Variants in KCNB2 observed in about 807,000 individuals in gnomAD.
KCNB2 encodes the protein potassium voltage-gated channel subfamily B member 2.
In KCNB2, 15 loss-of-function variants were observed where a neutral mutation model predicts 61.5. The observed-to-expected ratio is 0.24, with a 90% CI of 0.16 to 0.38. KCNB2 has a LOEUF of 0.38. Among genes scored for constraint, KCNB2 ranks in the 10% least tolerant of loss-of-function variants. The pLI, the probability that KCNB2 is intolerant of heterozygous loss-of-function variation, is 1.00. For missense variants in KCNB2, 828 were observed against 1,125.2 expected, an observed-to-expected ratio of 0.74 and a Z score of 3.78; for synonymous variants, 457 against 446.0, an observed-to-expected ratio of 1.02 and a Z score of -0.31.
chr8:72,931,674 C>A (rs544553857), intron 2 of KCNB2, among the ~76,000 whole-genome samples: 11 of 152,216 alleles, frequency 7.2e-5, no homozygotes, highest in African/African-American at 2.6e-4. Context: ...ATAGTTCACT[C>A]CTGCCAGCTC....
intron 2 of KCNB2, among the ~76,000 whole-genome samples, chr8:72,645,400 T>C (rs1010637078): frequency 2.0e-5 from 3 of 152,150 alleles, no homozygotes; most frequent in African/African-American, 4.8e-5. Flanking sequence ...AGTAGTGCAT[T>C]TTATGCTCGC....
chr8:72,681,425 T>C (rs1806751738), intron 2 of KCNB2, among the ~76,000 whole-genome samples: 1 of 152,094 alleles, frequency 6.6e-6, no homozygotes, highest in Non-Finnish European at 1.5e-5. Flanking sequence ...AGCACCAGGA[T>C]CATCAATGTC....
intron 2 of KCNB2, among the ~76,000 whole-genome samples, chr8:72,666,982 T>G (rs1204422220): frequency 8.1e-6 from 1 of 123,630 alleles, no homozygotes; most frequent in African/African-American, 4.5e-5. Flanking sequence ...TTTTTCCACA[T>G]AAGTGTGTGT....
In KCNB2 at chr8:72,788,439, C is replaced by T. The variant is rs146630512; in HGVS notation, c.580-147496C>T. ...CTTCTTACAAGAGCAGCAGTCCTAT[C>T]GGATTAGGGCCCAGCTTCATGACTC... On this transcript the variant is annotated intron_variant, in intron 2 of 2. Transcript: ENST00000523207. Among the ~76,000 whole-genome samples the T allele has an allele frequency of 6.2e-3, 942 of 152,180 alleles. 6 individuals are homozygous for T. Among genetic ancestry groups the T allele is most frequent in the Non-Finnish European group, 9.2e-3 (625 of 68,006 alleles).
intron 2 of KCNB2, among the ~76,000 whole-genome samples, chr8:72,803,860 G>A (rs1809168083): frequency 6.6e-6 from 1 of 152,202 alleles, no homozygotes; most frequent in Non-Finnish European, 1.5e-5. Flanking sequence ...AAAGCAGGAA[G>A]GAAGAGGTGA....
chr8:72,932,852 A>G (rs1411302637), intron 2 of KCNB2, among the ~76,000 whole-genome samples: 1 of 152,052 alleles, frequency 6.6e-6, no homozygotes, highest in East Asian at 1.9e-4. Flanking sequence ...GTTAAAAAAA[A>G]CTCTACAATA....
intron 2 of KCNB2, among the ~76,000 whole-genome samples, chr8:72,864,059 G>A (rs542544942): frequency 6.6e-6 from 1 of 152,302 alleles, no homozygotes. Context: ...CCACGTGACA[G>A]AGGAGGGAAA....
chr8:72,703,567 C>A (rs1163127291), intron 2 of KCNB2, among the ~76,000 whole-genome samples: 1 of 152,180 alleles, frequency 6.6e-6, no homozygotes, highest in African/African-American at 2.4e-5. Context: ...CTCTCTTCAG[C>A]CTCAGACAGT....
intron 2 of KCNB2, among the ~76,000 whole-genome samples, chr8:72,628,400 G>GTGTGTGTGTGTGT (rs869118528): frequency 8.5e-5 from 4 of 47,336 alleles, no homozygotes; most frequent in African/African-American, 2.5e-4. Flanking sequence ...CCTGTTAGGG[G>GTGTGTGTGTGTGT]GTGTGTGTGT....
rs16938242 is a variant in KCNB2, at chr8:72,584,599, A to G, written c.579+16286A>G. 6.7e-3 allele frequency among the ~76,000 whole-genome samples: 1,016 copies of G among 152,326 alleles called. 21 individuals are homozygous for G. Among genetic ancestry groups the G allele is most frequent in the African/African-American group, 0.023 (966 of 41,570 alleles). On this transcript the variant is annotated intron_variant, in intron 2 of 2. Coordinates refer to ENST00000523207, the MANE Select transcript of KCNB2 (RefSeq NM_004770.3). ...TTTAGACCAAGATTCACCCAATGAT[A>G]ACATAAACCACTCTCACCTGCCCAC...
chr8:72,802,549 TC>T (rs1405785471), intron 2 of KCNB2, among the ~76,000 whole-genome samples: 2 of 152,182 alleles, frequency 1.3e-5, no homozygotes, highest in African/African-American at 4.8e-5. Flanking sequence ...TTTTTTTGGG[TC>T]ATTTATGTGT....
At chr8:72,707,422 T>C (rs1446942562) in intron 2 of KCNB2, among the ~76,000 whole-genome samples, 2 of 152,214 alleles carry the variant, frequency 1.3e-5, no homozygotes, top group Admixed American at 6.5e-5. Context: ...TGATCATTGA[T>C]CTGCAAGCAT....
chr8:72,840,718 G>A (rs558233469), intron 2 of KCNB2, among the ~76,000 whole-genome samples: 16 of 152,254 alleles, frequency 1.1e-4, no homozygotes, highest in South Asian at 4.1e-4. Context: ...TTTGAGAAGT[G>A]TCTGTTCATA....
At chr8:72,685,564 A>G (rs1338355560) in intron 2 of KCNB2, among the ~76,000 whole-genome samples, 2 of 152,194 alleles carry the variant, frequency 1.3e-5, no homozygotes, top group African/African-American at 4.8e-5. Context: ...GGGAACGAGT[A>G]ACAAGCCTAC....
chr8:72,689,514 T>C (rs1488205265), intron 2 of KCNB2, among the ~76,000 whole-genome samples: 1 of 152,228 alleles, frequency 6.6e-6, no homozygotes, highest in Non-Finnish European at 1.5e-5. Flanking sequence ...GACATTTTCA[T>C]CACCCAAAAA....
intron 2 of KCNB2, among the ~76,000 whole-genome samples, chr8:72,802,309 G>C (rs774218717): frequency 3.9e-5 from 6 of 152,174 alleles, no homozygotes; most frequent in Admixed American, 6.5e-5. Flanking sequence ...GGTAACAATA[G>C]TTACCATCCA....
intron 2 of KCNB2, among the ~76,000 whole-genome samples, chr8:72,650,374 C>G (rs1806194517): frequency 6.6e-6 from 1 of 152,112 alleles, no homozygotes; most frequent in Non-Finnish European, 1.5e-5. Context: ...AATAGTTTTG[C>G]CCCTGCTCAC....
intron 2 of KCNB2, among the ~76,000 whole-genome samples, chr8:72,739,722 G>A (rs1462269939): frequency 6.6e-6 from 1 of 152,084 alleles, no homozygotes; most frequent in Non-Finnish European, 1.5e-5. Context: ...CCTAAAACAT[G>A]CCAAAAGATT....
Position 72,773,217 on chromosome 8 carries a change from C to T in KCNB2, c.580-162718C>T, listed in dbSNP as rs185602019. On this transcript the variant is annotated intron_variant, in intron 2 of 2. Transcript: ENST00000523207. Reference sequence around the variant, plus strand: ...TTATTTGATAGATGAGAATCAGTCACTCAGCTGCCTCCCTGCTAAGCTGCA... The same window carrying T: ...TTATTTGATAGATGAGAATCAGTCATTCAGCTGCCTCCCTGCTAAGCTGCA... Among the ~76,000 whole-genome samples the T allele has an allele frequency of 3.2e-4, 48 of 152,312 alleles. No homozygotes were observed. The East Asian group carries it at 8.9e-3, about 28-fold the overall frequency.
Sources: gnomAD v4.1 joint callset for allele counts (sites outside exome capture counted in the v4.1 genomes callset) on GRCh38, gnomAD v4.1.1 for gene constraint, MANE v1.5 for transcripts, NCBI Gene and HGNC (gene_info 2026-07-23, HGNC 2026-07-21) for gene names.